Variants in CCDC152 observed in about 807,000 individuals in gnomAD.
CCDC152 encodes the protein coiled-coil domain containing 152, also known as coiled-coil domain-containing protein 152.
In CCDC152, 37 loss-of-function variants were observed where a neutral mutation model predicts 38.1. The ratio of observed to expected loss-of-function variants is 0.97; its 90% CI spans 0.75 to 1.28. The LOEUF (loss-of-function observed/expected upper bound fraction) is 1.28. CCDC152 is among the 50% of genes most tolerant of loss of function. The probability of loss-of-function intolerance (pLI) is 0.00; values close to 1 mark genes in which losing one functional copy is unlikely to be tolerated. For synonymous variants in CCDC152, 83 were observed against 87.1 expected, an observed-to-expected ratio of 0.95 and a Z score of 0.26; for missense variants, 259 against 292.1, an observed-to-expected ratio of 0.89 and a Z score of 0.83.
rs1423656 is a variant in CCDC152, at chr5:42,779,634, T to G, written c.327+112T>G. ...ATAAACACAGCCAAATGTTTGTGGG[T>G]GTGTGTGTGTGTGGAGATATACGTA... On this transcript the variant is annotated intron_variant, in intron 5 of 8. Transcript: ENST00000361970. 0.45 allele frequency: 256,146 copies of G among 563,464 alleles called. 55,751 individuals are homozygous for G. The highest frequency in any genetic ancestry group is 0.59 in the East Asian group (19,551 of 33,030). 34.9% of individuals were successfully genotyped at this position (563,464 alleles called of 1,614,324 possible).
intron 3 of CCDC152, among the ~76,000 whole-genome samples, chr5:42,762,839 C>A (rs1315670519): frequency 6.6e-6 from 1 of 152,032 alleles, no homozygotes; most frequent in Non-Finnish European, 1.5e-5. Flanking sequence ...TCAATACAGG[C>A]CTATAAAAAC....
At position 42,762,547 on chromosome 5, in the gene CCDC152, A is replaced by G; in HGVS notation, c.192A>G (p.Glu64=). ...AAGCAAAGGAGGTCTCCATTAAAGA[A>G]GGTTAGTTATTTGCTGCCTGAGGAA... is the stretch of plus-strand genomic sequence containing the variant. The part of the protein sequence containing the change: ...VMQAKEVSIK[E]ECATLHNIIK... Residue 64 remains glutamate, a splice_region_variant and synonymous_variant, in exon 3 of 9, where the codon GAA becomes GAG. Transcript: ENST00000361970. The G allele has an allele frequency of 6.8e-7, 1 of 1,480,904 alleles. No individual in the cohort carries two copies. Among genetic ancestry groups the G allele is most frequent in the Non-Finnish European group, 9.2e-7 (1 of 1,085,498 alleles). 91.7% of individuals were successfully genotyped at this position (1,480,904 alleles called of 1,614,324 possible). A position where few individuals can be genotyped will look rare whatever the true frequency, so the allele number is the denominator to read the frequency against.
intron 2 of CCDC152, among the ~76,000 whole-genome samples, chr5:42,760,197 C>T (rs1248140554): frequency 1.3e-5 from 2 of 151,312 alleles, no homozygotes; most frequent in East Asian, 2.0e-4. Flanking sequence ...CCAGCTACTC[C>T]GGAGGCTGAC....
chr5:42,799,034 C>A (rs565154755), intron 7 of CCDC152, among the ~76,000 whole-genome samples: 1 of 152,214 alleles, frequency 6.6e-6, no homozygotes, highest in African/African-American at 2.4e-5. Flanking sequence ...AGATTCTAAA[C>A]CCTGTCTGCA....
chr5:42,758,570 A>T (rs999200107), intron 1 of CCDC152, among the ~76,000 whole-genome samples: 22 of 152,232 alleles, frequency 1.4e-4, no homozygotes, highest in Admixed American at 1.0e-3. Context: ...GGGATTCTGA[A>T]GAAGTTCTTA....
intron 4 of CCDC152, 62 bp from the exon 5 acceptor site, chr5:42,779,396 A>G: frequency 1.0e-6 from 1 of 969,696 alleles, no homozygotes; most frequent in South Asian, 1.5e-5. Flanking sequence ...AATGTTGAAC[A>G]TATTTTCATA....
In CCDC152 at chr5:42,801,307, T is replaced by C. The variant is rs17851351; in HGVS notation, c.*1526T>C. 1 of 1,609,768 alleles carries C rather than the reference T, an allele frequency of 6.2e-7. No individual in the cohort carries two copies. Among genetic ancestry groups the C allele is most frequent in the Non-Finnish European group, 8.5e-7 (1 of 1,177,996 alleles). ...TCCACAGTAGCCAAAGATACACGTTTACAAAAGTCTTCATCTTTGAGAGTC... is the reference window on the plus strand; with the variant it reads ...TCCACAGTAGCCAAAGATACACGTTCACAAAAGTCTTCATCTTTGAGAGTC... On this transcript the variant is annotated 3_prime_UTR_variant, in exon 9 of 9. Transcript: ENST00000361970.
chr5:42,787,935 T>C (rs2111580738), intron 6 of CCDC152, among the ~76,000 whole-genome samples: 1 of 152,286 alleles, frequency 6.6e-6, no homozygotes, highest in Admixed American at 6.5e-5. Context: ...AGTGGAACAT[T>C]TAGGCTGTTT....
At chr5:42,775,213 C>T (rs1053300998) in intron 4 of CCDC152, among the ~76,000 whole-genome samples, 2 of 152,004 alleles carry the variant, frequency 1.3e-5, no homozygotes, top group Non-Finnish European at 2.9e-5. Flanking sequence ...AACCACAGAT[C>T]CAGGAAGCTC....
chr5:42,791,602 C>A (rs909117524), intron 6 of CCDC152, among the ~76,000 whole-genome samples: 1 of 152,194 alleles, frequency 6.6e-6, no homozygotes, highest in Non-Finnish European at 1.5e-5. Flanking sequence ...AGCATGCCAA[C>A]TTTCTACAGC....
intron 4 of CCDC152, among the ~76,000 whole-genome samples, chr5:42,777,017 A>T (rs1402620600): frequency 2.0e-5 from 3 of 151,722 alleles, no homozygotes; most frequent in Non-Finnish European, 4.4e-5. Flanking sequence ...AGGAGAACAA[A>T]TTAAATCCAA....
rs1271885977 is a variant in CCDC152 at position 42,802,233 on chromosome 5, G to A, written c.*2452G>A. The A allele has an allele frequency of 3.3e-5, 5 of 152,084 alleles. No homozygotes were observed. The highest frequency in any genetic ancestry group is 3.3e-4 in the Admixed American group (5 of 15,270). 9.4% of individuals were successfully genotyped at this position (152,084 alleles called of 1,614,324 possible). A position where few individuals can be genotyped will look rare whatever the true frequency, so the allele number is the denominator to read the frequency against. On this transcript the variant is annotated 3_prime_UTR_variant, in exon 9 of 9. Transcript: ENST00000361970. ...ATGATCCTAGTTCTTTAATTTACTG[G>A]AAGTCTTTACTGTTTTGTGGTACCT...
intron 6 of CCDC152, 98 bp from the exon 7 acceptor site, chr5:42,796,731 T>C (rs1374486434): frequency 1.2e-6 from 1 of 810,280 alleles, no homozygotes; most frequent in East Asian, 3.3e-5. Flanking sequence ...TAATAAAATT[T>C]ACTTTTTTAG....
chr5:42,758,630 G>T (rs986173570), intron 1 of CCDC152, among the ~76,000 whole-genome samples: 7 of 152,186 alleles, frequency 4.6e-5, no homozygotes, highest in African/African-American at 1.4e-4. Flanking sequence ...TCAGCAGTTA[G>T]CTGGCTATCC....
chr5:42,795,406 G>A (rs1459781743), intron 6 of CCDC152, among the ~76,000 whole-genome samples: 1 of 152,146 alleles, frequency 6.6e-6, no homozygotes, highest in African/African-American at 2.4e-5. Context: ...ACTAGTAGGT[G>A]ACAGACAAAT....
intron 4 of CCDC152, among the ~76,000 whole-genome samples, chr5:42,773,027 GTTC>G (rs1482869935): frequency 6.6e-6 from 1 of 152,200 alleles, no homozygotes; most frequent in Non-Finnish European, 1.5e-5. Context: ...GATGGACTAT[GTTC>G]TTCTGGTTGT....
chr5:42,798,153 A>G (rs1407062942), intron 7 of CCDC152, among the ~76,000 whole-genome samples: 1 of 152,164 alleles, frequency 6.6e-6, no homozygotes, highest in Non-Finnish European at 1.5e-5. Context: ...AAATAAATAA[A>G]TAAACAAACA....
chr5:42,769,036 G>A (rs1403922063), intron 3 of CCDC152, among the ~76,000 whole-genome samples: 1 of 152,104 alleles, frequency 6.6e-6, no homozygotes, highest in Non-Finnish European at 1.5e-5. Flanking sequence ...ATTACTTGAG[G>A]TCAGGAGTTC....
chr5:42,778,696 A>G (rs2973009), intron 4 of CCDC152, among the ~76,000 whole-genome samples: 5,727 of 152,060 alleles, frequency 0.038, 259 homozygotes, highest in South Asian at 0.18. Flanking sequence ...TTTTTTCCAT[A>G]CTGCCGCTGA....
Sources: allele counts gnomAD v4.1 joint callset (sites outside exome capture counted in the v4.1 genomes callset), GRCh38; gene constraint gnomAD v4.1.1; transcripts MANE v1.5; gene names NCBI Gene and HGNC (gene_info 2026-07-23, HGNC 2026-07-21).